The following INPP4B variants were observed in gnomAD, a reference collection of about 807,000 sequenced individuals.
INPP4B encodes the protein inositol polyphosphate 4-phosphatase type II.
In INPP4B, 55 loss-of-function variants were observed where a neutral mutation model predicts 122.5. The observed-to-expected ratio is 0.45, with a 90% CI of 0.36 to 0.56. The LOEUF (loss-of-function observed/expected upper bound fraction) is 0.56, where lower values mean the gene tolerates loss of function less well. INPP4B is among the 20% of genes least tolerant of loss of function. The pLI, the probability that INPP4B is intolerant of heterozygous loss-of-function variation, is 0.00. For synonymous variants in INPP4B, 403 were observed against 388.7 expected (o/e 1.04, Z -0.43); for missense variants, 1,000 against 1,097.7 (o/e 0.91, Z 1.26).
intron 1 of INPP4B, among the ~76,000 whole-genome samples, chr4:142,796,731 C>T (rs140325826): frequency 1.4e-3 from 215 of 152,048 alleles, no homozygotes; most frequent in Middle Eastern, 6.8e-3. Flanking sequence ...CCTATTCTGG[C>T]ATTTGTGAGT....
At chr4:142,461,825 G>A (rs1205355707) in intron 3 of INPP4B, among the ~76,000 whole-genome samples, 1 of 136,310 alleles carries the variant, frequency 7.3e-6, no homozygotes, top group Admixed American at 7.8e-5. Flanking sequence ...ACACACACAC[G>A]TTGGGGTAAG....
intron 9 of INPP4B, among the ~76,000 whole-genome samples, chr4:142,277,813 A>G (rs866983717): frequency 9.2e-5 from 14 of 151,960 alleles, no homozygotes; most frequent in African/African-American, 2.9e-4. Context: ...CAGGAATGGA[A>G]AACCAAACAT....
At chr4:142,620,335 G>T (rs114507175) in intron 2 of INPP4B, among the ~76,000 whole-genome samples, 317 of 152,028 alleles carry the variant, frequency 2.1e-3, no homozygotes, top group African/African-American at 7.2e-3. Flanking sequence ...AGAAAAGAGC[G>T]AGATTATGTC....
At chr4:142,760,892 C>G (rs1483517793) in intron 1 of INPP4B, among the ~76,000 whole-genome samples, 1 of 152,068 alleles carries the variant, frequency 6.6e-6, no homozygotes, top group Non-Finnish European at 1.5e-5. Context: ...CAAGTTATTA[C>G]CTTCAAGAAT....
intron 17 of INPP4B, among the ~76,000 whole-genome samples, chr4:142,157,327 G>A (rs1817755315): frequency 2.0e-5 from 3 of 152,104 alleles, no homozygotes; most frequent in African/African-American, 4.8e-5. Context: ...ATGAAGGAAT[G>A]TTTTCAGTAG....
At chr4:142,179,306 C>G (rs1829715652) in intron 15 of INPP4B, among the ~76,000 whole-genome samples, 2 of 151,756 alleles carry the variant, frequency 1.3e-5, no homozygotes, top group South Asian at 4.2e-4. Context: ...AACCCTGTCT[C>G]TACTAAAATA....
At chr4:142,577,647 T>G (rs771695911) in intron 2 of INPP4B, among the ~76,000 whole-genome samples, 1 of 152,018 alleles carries the variant, frequency 6.6e-6, no homozygotes, top group Non-Finnish European at 1.5e-5. Context: ...ATTTTAGCCT[T>G]CAGTGCTAGC....
At chr4:142,259,252 C>T (rs1443457075) in intron 11 of INPP4B, among the ~76,000 whole-genome samples, 1 of 150,466 alleles carries the variant, frequency 6.6e-6, no homozygotes, top group Non-Finnish European at 1.5e-5. Flanking sequence ...ATACCTAATG[C>T]TAAATGACGA....
intron 11 of INPP4B, among the ~76,000 whole-genome samples, chr4:142,256,498 T>C (rs1280177802): frequency 1.3e-5 from 2 of 151,792 alleles, no homozygotes; most frequent in South Asian, 2.1e-4. Flanking sequence ...ATCAAATAGA[T>C]GCAATAAAAA....
chr4:142,422,050 G>A (rs532070860), intron 5 of INPP4B, among the ~76,000 whole-genome samples: 4 of 152,198 alleles, frequency 2.6e-5, no homozygotes, highest in Admixed American at 6.5e-5. Context: ...TCTTTAGAAC[G>A]TAGACCGTTG....
rs553991747 is a variant in INPP4B at position 142,683,721 on chromosome 4, T to C, written c.-191+42118A>G. Among the ~76,000 whole-genome samples, 3 of 151,866 alleles carry C rather than the reference T, an allele frequency of 2.0e-5. No homozygotes were observed. In the East Asian group the frequency reaches 5.9e-4, roughly 30 times the overall value. ...TATTGTGAACCTATATTTTAATCTCTAGGCTAGAAAGATCTGAGGATATAT... is the reference window on the plus strand; with the variant it reads ...TATTGTGAACCTATATTTTAATCTCCAGGCTAGAAAGATCTGAGGATATAT... On this transcript the variant is annotated intron_variant, in intron 2 of 25. Transcript: ENST00000262992.
chr4:142,659,224 C>T (rs1290586541), intron 2 of INPP4B, among the ~76,000 whole-genome samples: 3 of 138,744 alleles, frequency 2.2e-5, no homozygotes, highest in Admixed American at 7.8e-5. Flanking sequence ...ACGGTGAAAC[C>T]CCGCCTCTAC....
At position 142,561,609 on chromosome 4, in the gene INPP4B, C is replaced by T. The variant is rs959536612; in HGVS notation, c.-190-98883G>A. ...AATATTTTTGTATTTTTAGTAGAGA[C>T]GGGGTTTCACCATATTGGCCAGGCT... is the stretch of plus-strand genomic sequence containing the variant. On this transcript the variant is annotated intron_variant, in intron 2 of 25. Transcript: ENST00000262992. Among the ~76,000 whole-genome samples the T allele has an allele frequency of 7.9e-5, 12 of 152,002 alleles. No individual in the cohort carries two copies. In the East Asian group the frequency reaches 1.2e-3, roughly 15 times the overall value.
Position 142,132,686 on chromosome 4 carries a change from G to A in INPP4B, c.1721-7926C>T, listed in dbSNP as rs566619344. Among the ~76,000 whole-genome samples, 10 of 152,216 alleles carry A rather than the reference G, an allele frequency of 6.6e-5. No homozygotes were observed. The South Asian group carries it at 2.1e-3, about 32-fold the overall frequency. ...CATCCTCTCTCACCTACTTAAGAGT[G>A]TCACTCTAGCAATTCTCTCCCTTCC... On this transcript the variant is annotated intron_variant, in intron 18 of 25. Coordinates refer to ENST00000262992, the MANE Select transcript of INPP4B (RefSeq NM_001101669.3).
At chr4:142,660,227 G>A (rs1205796277) in intron 2 of INPP4B, among the ~76,000 whole-genome samples, 2 of 152,018 alleles carry the variant, frequency 1.3e-5, no homozygotes, top group African/African-American at 2.4e-5. Context: ...TTTGCATGGC[G>A]AGACCTGCCA....
At chr4:142,625,977 T>C (rs1353600475) in intron 2 of INPP4B, among the ~76,000 whole-genome samples, 7 of 152,122 alleles carry the variant, frequency 4.6e-5, no homozygotes, top group Admixed American at 4.6e-4. Flanking sequence ...TATACAAAAA[T>C]TAATTCAGGA....
At chr4:142,477,317 T>C (rs1180151613) in intron 2 of INPP4B, among the ~76,000 whole-genome samples, 6 of 152,098 alleles carry the variant, frequency 3.9e-5, no homozygotes, top group Non-Finnish European at 7.4e-5. Context: ...GGGAATTTGA[T>C]AGTGCTAAAT....
intron 2 of INPP4B, among the ~76,000 whole-genome samples, chr4:142,618,807 A>C (rs1223386338): frequency 1.3e-5 from 2 of 152,018 alleles, no homozygotes; most frequent in Non-Finnish European, 2.9e-5. Flanking sequence ...GGAATGGAGA[A>C]AATTTTTTGC....
At chr4:142,567,783 A>G (rs946400724) in intron 2 of INPP4B, among the ~76,000 whole-genome samples, 6 of 152,122 alleles carry the variant, frequency 3.9e-5, no homozygotes, top group Non-Finnish European at 7.4e-5. Context: ...AGTTCATTAC[A>G]TACTGTAAGG....
Sources: gnomAD v4.1 joint callset for allele counts (sites outside exome capture counted in the v4.1 genomes callset) on GRCh38, gnomAD v4.1.1 for gene constraint, MANE v1.5 for transcripts, NCBI Gene and HGNC (gene_info 2026-07-23, HGNC 2026-07-21) for gene names.